The following SUPT3H variants were observed in gnomAD, a reference collection of about 807,000 sequenced individuals.
SUPT3H encodes transcription initiation protein SPT3 homolog.
In SUPT3H, 44 loss-of-function variants were observed where a neutral mutation model predicts 44.3. The ratio of observed to expected loss-of-function variants is 0.99; its 90% confidence interval spans 0.78 to 1.28. SUPT3H has a LOEUF of 1.28. Ranked by LOEUF, SUPT3H falls within the 50% of genes most tolerant of loss-of-function variation. The pLI is 0.00. For synonymous variants in SUPT3H, 124 were observed against 125.6 expected (o/e 0.99, Z 0.09); for missense variants, 380 against 387.1 (o/e 0.98, Z 0.15).
At chr6:45,090,916 AC>A (rs576743418) in intron 3 of SUPT3H, among the ~76,000 whole-genome samples, 161 of 152,062 alleles carry the variant, frequency 1.1e-3, no homozygotes, top group African/African-American at 3.7e-3. Flanking sequence ...CTTAATAAAA[AC>A]AGTCTACAAA....
intron 5 of SUPT3H, among the ~76,000 whole-genome samples, chr6:45,011,769 T>C (rs1562255515): frequency 6.6e-6 from 1 of 152,184 alleles, no homozygotes; most frequent in South Asian, 2.1e-4. Flanking sequence ...TACTTTCTCT[T>C]ATATTTATGT....
At chr6:45,375,289 G>T (rs1796626148) in intron 1 of SUPT3H, among the ~76,000 whole-genome samples, 1 of 152,184 alleles carries the variant, frequency 6.6e-6, no homozygotes, top group Non-Finnish European at 1.5e-5. Context: ...AAGGCTAACA[G>T]TAGGGTGACA....
chr6:45,157,923 G>A (rs1808120997), intron 2 of SUPT3H, among the ~76,000 whole-genome samples: 1 of 151,142 alleles, frequency 6.6e-6, no homozygotes, highest in Admixed American at 6.6e-5. Flanking sequence ...ATCATGATCA[G>A]CATTCTAAAA....
intron 3 of SUPT3H, chr6:45,098,897 G>A: frequency 3.7e-6 from 2 of 540,102 alleles, no homozygotes; most frequent in South Asian, 2.8e-5. Context: ...AATGGCTGTA[G>A]ACTCAACATA....
intron 10 of SUPT3H, among the ~76,000 whole-genome samples, chr6:44,905,133 C>G (rs1394482481): frequency 6.6e-6 from 1 of 151,986 alleles, no homozygotes; most frequent in Non-Finnish European, 1.5e-5. Context: ...GTCTAAAACA[C>G]CAAAAGCAAT....
At chr6:45,238,338 A>G (rs1296836490) in intron 2 of SUPT3H, among the ~76,000 whole-genome samples, 1 of 152,206 alleles carries the variant, frequency 6.6e-6, no homozygotes, top group Non-Finnish European at 1.5e-5. Context: ...GTGCCACAGA[A>G]AGTAACCATA....
intron 2 of SUPT3H, among the ~76,000 whole-genome samples, chr6:45,289,953 CAGG>C (rs2149856127): frequency 6.6e-6 from 1 of 152,264 alleles, no homozygotes; most frequent in Non-Finnish European, 1.5e-5. Context: ...GAGGCTGACG[CAGG>C]AGGACTGCTT....
At chr6:45,245,519 T>C (rs923327758) in intron 2 of SUPT3H, among the ~76,000 whole-genome samples, 4 of 152,174 alleles carry the variant, frequency 2.6e-5, no homozygotes, top group Non-Finnish European at 2.9e-5. Flanking sequence ...GTACCTCATA[T>C]AAGTGGAATC....
intron 3 of SUPT3H, among the ~76,000 whole-genome samples, chr6:45,026,063 C>G (rs1021310531): frequency 3.3e-5 from 5 of 152,098 alleles, no homozygotes; most frequent in African/African-American, 1.2e-4. Flanking sequence ...GAGCTAGTAT[C>G]ATGAAGAGGC....
intron 10 of SUPT3H, among the ~76,000 whole-genome samples, chr6:44,836,561 CTCT>C (rs1226465884): frequency 1.3e-5 from 2 of 152,146 alleles, no homozygotes; most frequent in Non-Finnish European, 2.9e-5. Context: ...CTATGCCAGT[CTCT>C]TCTTATTTTA....
intron 2 of SUPT3H, among the ~76,000 whole-genome samples, chr6:45,149,936 T>G (rs183158016): frequency 6.6e-6 from 1 of 151,084 alleles, no homozygotes; most frequent in Non-Finnish European, 1.5e-5. Flanking sequence ...GTTCTAACAC[T>G]GGCTGAATGT....
chr6:44,867,427 A>G (rs1436953392), intron 10 of SUPT3H, among the ~76,000 whole-genome samples: 2 of 152,136 alleles, frequency 1.3e-5, no homozygotes, highest in Admixed American at 1.3e-4. Context: ...TTCATGTCAC[A>G]ATAAAGGGCT....
chr6:45,136,180 C>A (rs1804247466), intron 2 of SUPT3H, among the ~76,000 whole-genome samples: 1 of 152,152 alleles, frequency 6.6e-6, no homozygotes, highest in African/African-American at 2.4e-5. Context: ...AATCTCTGAA[C>A]TGACTAAACA....
chr6:45,023,432 T>C (rs1785473301), intron 3 of SUPT3H, among the ~76,000 whole-genome samples: 1 of 152,132 alleles, frequency 6.6e-6, no homozygotes, highest in Non-Finnish European at 1.5e-5. Flanking sequence ...ACTGGGTATA[T>C]ACCCCAAGGG....
At chr6:45,148,110 T>A (rs1806373457) in intron 2 of SUPT3H, among the ~76,000 whole-genome samples, 1 of 152,126 alleles carries the variant, frequency 6.6e-6, no homozygotes. Flanking sequence ...ATATGTAACA[T>A]CTATGTCTAA....
At chr6:45,053,665 G>A (rs1051027101) in intron 3 of SUPT3H, among the ~76,000 whole-genome samples, 2 of 145,232 alleles carry the variant, frequency 1.4e-5, no homozygotes, top group African/African-American at 5.1e-5. Context: ...TTGGGAGGCC[G>A]AAGCAGGCGG....
At chr6:44,878,102 T>A (rs979932672) in intron 10 of SUPT3H, among the ~76,000 whole-genome samples, 3 of 152,244 alleles carry the variant, frequency 2.0e-5, no homozygotes, top group Non-Finnish European at 1.5e-5. Flanking sequence ...GAACCCTAGC[T>A]GCCAGCATTT....
chr6:44,821,102 T>C (rs921971788), intron 11 of SUPT3H, among the ~76,000 whole-genome samples: 3 of 152,184 alleles, frequency 2.0e-5, no homozygotes, highest in Non-Finnish European at 4.4e-5. Flanking sequence ...CCTCCCACTT[T>C]GGCCTTCTAA....
intron 3 of SUPT3H, among the ~76,000 whole-genome samples, chr6:45,094,337 TG>T (rs2153564855): frequency 6.6e-6 from 1 of 151,986 alleles, no homozygotes; most frequent in South Asian, 2.1e-4. Context: ...AAACACAAAT[TG>T]AAAGGTGAGA....
Sources: allele counts gnomAD v4.1 joint callset (sites outside exome capture counted in the v4.1 genomes callset), GRCh38; gene constraint gnomAD v4.1.1; transcripts MANE v1.5; gene names NCBI Gene and HGNC (gene_info 2026-07-23, HGNC 2026-07-21).